Variants in PCDHA2 observed in about 807,000 individuals in gnomAD.
PCDHA2 encodes protocadherin alpha 2.
Under a neutral mutation model 66.0 loss-of-function variants are expected in PCDHA2, and 58 were observed. The ratio of observed to expected loss-of-function variants is 0.88; its 90% CI spans 0.71 to 1.09. PCDHA2 has a LOEUF of 1.09. PCDHA2 is among the 50% of genes least tolerant of loss of function. PCDHA2 has a pLI of 0.00. For missense variants in PCDHA2, 1,267 were observed against 1,242.3 expected, an observed-to-expected ratio of 1.02 and a Z score of -0.30; for synonymous variants, 634 against 554.0, an observed-to-expected ratio of 1.14 and a Z score of -2.03.
At chr5:140,873,255 C>T (rs1554166636) in intron 1 of PCDHA2, among the ~76,000 whole-genome samples, 1 of 152,074 alleles carries the variant, frequency 6.6e-6, no homozygotes, top group South Asian at 2.1e-4. Context: ...ATTTCAGACT[C>T]AAAAGTGATT....
chr5:141,009,863 A>G lies in PCDHA2; in HGVS notation c.2773A>G (p.Lys925Glu). 1 of 1,614,104 alleles carries G rather than the reference A, an allele frequency of 6.2e-7. No homozygotes were observed. Among genetic ancestry groups the G allele is most frequent in the Non-Finnish European group, 8.5e-7 (1 of 1,180,006 alleles). Residue 925 changes from lysine to glutamate, a missense_variant, in exon 4 of 4, where the codon AAA becomes GAA. Coordinates refer to ENST00000526136, the MANE Select transcript of PCDHA2 (RefSeq NM_018905.3). ...GKKEETKKKK[K>E]KKKGNKTQEK... ...AAAGGAGGAGACCAAGAAAAAGAAG[A>G]AAAAGAAGAAGGGTAACAAGACCCA...
At chr5:140,926,117 A>G (rs2082917656) in intron 1 of PCDHA2, among the ~76,000 whole-genome samples, 1 of 152,190 alleles carries the variant, frequency 6.6e-6, no homozygotes, top group Admixed American at 6.5e-5. Flanking sequence ...GGTGCAGGAC[A>G]GACTTCAACC....
intron 1 of PCDHA2, chr5:140,803,530 C>G (rs560711675): frequency 6.2e-7 from 1 of 1,614,252 alleles, no homozygotes; most frequent in East Asian, 2.2e-5. Context: ...AGCCTTCCTC[C>G]TTGTCCAATT....
intron 1 of PCDHA2, among the ~76,000 whole-genome samples, chr5:140,826,668 A>G (rs2150144773): frequency 3.3e-5 from 5 of 152,306 alleles, no homozygotes; most frequent in South Asian, 2.1e-4. Context: ...AGTAAATTGT[A>G]GACGTAATTA....
rs145253621 is a variant in PCDHA2, at chr5:140,991,776, T to A, written c.2536+9213T>A. 4.1e-3 allele frequency among the ~76,000 whole-genome samples: 632 copies of A among 152,312 alleles called. 6 individuals carry two copies. Among genetic ancestry groups the A allele is most frequent in the South Asian group, 0.036 (174 of 4,822 alleles). ...CATGCTCTTCAAAATTCTTCTAGACTCTGCCCATTTCCCAATCTCAAGGCC... is the reference window on the plus strand; with the variant it reads ...CATGCTCTTCAAAATTCTTCTAGACACTGCCCATTTCCCAATCTCAAGGCC... On this transcript the variant is annotated intron_variant, in intron 3 of 3. Coordinates refer to ENST00000526136, the MANE Select transcript of PCDHA2 (RefSeq NM_018905.3).
Position 140,857,636 on chromosome 5 carries a change from C to T in PCDHA2, c.2388+60284C>T, listed in dbSNP as rs370617893. The T allele has an allele frequency of 1.0e-4, 159 of 1,596,480 alleles. 20 individuals are homozygous for T. The highest frequency in any genetic ancestry group is 1.3e-4 in the Non-Finnish European group (153 of 1,167,700). Reference sequence around the variant, plus strand: ...GCTGGACCACGAGGAGCTGGAGCTGCTACAGTTCCAGGTGAGCGCGCGCGA... The same window carrying T: ...GCTGGACCACGAGGAGCTGGAGCTGTTACAGTTCCAGGTGAGCGCGCGCGA... On this transcript the variant is annotated intron_variant, in intron 1 of 3. Transcript: ENST00000526136.
chr5:140,850,269 G>C lies in PCDHA2; in HGVS notation c.2388+52917G>C, dbSNP rs201513560. ...GTCGGTGGGCGCCGGCGTAGTGGTGGGGAAGGTGCGCGCAGTGGACGCCGA... is the reference window on the plus strand; with the variant it reads ...GTCGGTGGGCGCCGGCGTAGTGGTGCGGAAGGTGCGCGCAGTGGACGCCGA... On this transcript the variant is annotated intron_variant, in intron 1 of 3. Transcript: ENST00000526136. 7 of 1,594,786 alleles carry C rather than the reference G, an allele frequency of 4.4e-6. 1 individual carries two copies. The highest frequency in any genetic ancestry group is 1.3e-5 in the African/African-American group (1 of 74,148).
rs781920660 is a variant in PCDHA2 at position 140,857,284 on chromosome 5, G to A, written c.2388+59932G>A. On this transcript the variant is annotated intron_variant, in intron 1 of 3. Transcript: ENST00000526136. Reference sequence around the variant, plus strand: ...ACTCATTGGTGCTGGACAGCGCTCTGGACCGCGAGAGGGTGTCGGCCTATG... The same window carrying A: ...ACTCATTGGTGCTGGACAGCGCTCTAGACCGCGAGAGGGTGTCGGCCTATG... 4 of 1,598,734 alleles carry A rather than the reference G, an allele frequency of 2.5e-6. 1 individual carries two copies. Among genetic ancestry groups the A allele is most frequent in the Non-Finnish European group, 2.6e-6 (3 of 1,168,028 alleles).
intron 1 of PCDHA2, chr5:140,928,202 A>G: frequency 6.2e-7 from 1 of 1,614,210 alleles, no homozygotes; most frequent in Non-Finnish European, 8.5e-7. Flanking sequence ...TCAGTTGCTG[A>G]TGTGAATGAC....
chr5:140,934,004 T>G (rs556218652), intron 1 of PCDHA2, among the ~76,000 whole-genome samples: 1 of 152,204 alleles, frequency 6.6e-6, no homozygotes, highest in Non-Finnish European at 1.5e-5. Flanking sequence ...CCTCTCATTT[T>G]TCTTGACTAG....
chr5:140,908,846 T>C (rs2074185614), intron 1 of PCDHA2, among the ~76,000 whole-genome samples: 1 of 152,176 alleles, frequency 6.6e-6, no homozygotes, highest in South Asian at 2.1e-4. Context: ...TGGAGTAACA[T>C]ACCCAAATGA....
chr5:140,855,793 C>T (rs1383581085), intron 1 of PCDHA2: 1 of 456,918 alleles, frequency 2.2e-6, no homozygotes, highest in East Asian at 3.3e-5. Flanking sequence ...AAAGAATTAA[C>T]ATATGAATGA....
chr5:140,827,954 T>A, intron 1 of PCDHA2: 1 of 1,280,932 alleles, frequency 7.8e-7, no homozygotes, highest in East Asian at 2.3e-5. Flanking sequence ...CATTCAAATT[T>A]CTTCTATTAC....
At chr5:140,938,174 G>A (rs1394846002) in intron 1 of PCDHA2, among the ~76,000 whole-genome samples, 3 of 152,200 alleles carry the variant, frequency 2.0e-5, no homozygotes, top group Admixed American at 6.5e-5. Context: ...TGGAGCTCCT[G>A]GGCTCAAGCA....
At chr5:140,816,351 T>C (rs1413125816) in intron 1 of PCDHA2, 1 of 152,232 alleles carries the variant, frequency 6.6e-6, no homozygotes, top group South Asian at 2.1e-4. Context: ...AATTTCTTTT[T>C]AGTTCTTTTG....
At chr5:140,977,283 G>A (rs2096753441) in intron 1 of PCDHA2, among the ~76,000 whole-genome samples, 1 of 152,190 alleles carries the variant, frequency 6.6e-6, no homozygotes, top group African/African-American at 2.4e-5. Context: ...CTCAAAGGAA[G>A]GTTCTCTCAG....
intron 1 of PCDHA2, chr5:140,882,358 G>T (rs1554173779): frequency 3.7e-6 from 6 of 1,614,232 alleles, no homozygotes; most frequent in Middle Eastern, 1.7e-4. Flanking sequence ...GTAGTGGCCA[G>T]CTCCACTACT....
intron 1 of PCDHA2, chr5:140,829,834 G>T (rs1263397985): frequency 6.2e-7 from 1 of 1,613,928 alleles, no homozygotes. Flanking sequence ...GCGAGCTGGT[G>T]CCGCGGTCAC....
At chr5:140,851,402 T>C (rs2042052947) in intron 1 of PCDHA2, 2 of 969,750 alleles carry the variant, frequency 2.1e-6, no homozygotes. Flanking sequence ...ATTATTTTAA[T>C]AAGAAAGAAA....
Sources: gnomAD v4.1 joint callset for allele counts (sites outside exome capture counted in the v4.1 genomes callset) on GRCh38, gnomAD v4.1.1 for gene constraint, MANE v1.5 for transcripts, NCBI Gene and HGNC (gene_info 2026-07-23, HGNC 2026-07-21) for gene names.